Variants in IPO11 observed in about 807,000 individuals in gnomAD.
IPO11 encodes the protein importin 11, also known as importin-11.
IPO11 carries 66 observed loss-of-function variants against 143.2 expected under a neutral mutation model. The observed-to-expected ratio is 0.46, with a 90% confidence interval of 0.38 to 0.57. The LOEUF (loss-of-function observed/expected upper bound fraction) is 0.57, where lower values mean the gene tolerates loss of function less well. IPO11 is among the 20% of genes least tolerant of loss of function. The pLI is 0.00. For synonymous variants in IPO11, 385 were observed against 377.8 expected (o/e 1.02, Z -0.22); for missense variants, 1,026 against 1,141.0 (o/e 0.90, Z 1.45).
chr5:62,503,045 G>A lies in IPO11; in HGVS notation c.1591-1622G>A, dbSNP rs981255449. Among the ~76,000 whole-genome samples the A allele has an allele frequency of 2.0e-5, 3 of 152,036 alleles. No homozygotes were observed. The South Asian group carries it at 6.2e-4, about 32-fold the overall frequency. Reference sequence around the variant, plus strand: ...TCACCATGTTGGCCAGTCTGGTCTCGAACTCCTGGCCTCAAGTGATCCGCC... The same window carrying A: ...TCACCATGTTGGCCAGTCTGGTCTCAAACTCCTGGCCTCAAGTGATCCGCC... On this transcript the variant is annotated intron_variant, in intron 16 of 29. Coordinates refer to ENST00000325324, the MANE Select transcript of IPO11 (RefSeq NM_016338.5).
At chr5:62,445,065 A>G (rs1047136882) in intron 3 of IPO11, among the ~76,000 whole-genome samples, 14 of 152,074 alleles carry the variant, frequency 9.2e-5, no homozygotes, top group African/African-American at 3.4e-4. Flanking sequence ...AGGTAGTTAA[A>G]TCCCAAGCTG....
intron 6 of IPO11, 111 bp from the exon 7 acceptor site, chr5:62,470,139 C>G: frequency 9.9e-7 from 1 of 1,005,176 alleles, no homozygotes; most frequent in Non-Finnish European, 1.5e-6. Context: ...AACTTTCCAA[C>G]CCAGATTAAC....
At chr5:62,431,855 C>T (rs771288464) in intron 1 of IPO11, among the ~76,000 whole-genome samples, 8 of 152,126 alleles carry the variant, frequency 5.3e-5, no homozygotes, top group Non-Finnish European at 1.0e-4. Context: ...GCACAAGAAT[C>T]GCTTGAGCCC....
chr5:62,608,238 G>T (rs1178300072), intron 29 of IPO11, among the ~76,000 whole-genome samples: 4 of 152,054 alleles, frequency 2.6e-5, no homozygotes, highest in Admixed American at 6.6e-5. Context: ...TTTATCTGGA[G>T]CCCTACAATT....
intron 3 of IPO11, among the ~76,000 whole-genome samples, chr5:62,443,743 A>G (rs773726036): frequency 6.6e-6 from 1 of 152,170 alleles, no homozygotes; most frequent in Admixed American, 6.5e-5. Flanking sequence ...GGAGTAGTAT[A>G]CATTTGTAAT....
intron 29 of IPO11, among the ~76,000 whole-genome samples, chr5:62,614,067 A>T (rs923725917): frequency 6.6e-6 from 1 of 152,224 alleles, no homozygotes; most frequent in Non-Finnish European, 1.5e-5. Context: ...TCGCATGTGC[A>T]TTGTGTGTGA....
intron 27 of IPO11, chr5:62,578,920 G>A (rs1036786239): frequency 2.9e-5 from 7 of 240,146 alleles, no homozygotes; most frequent in East Asian, 2.4e-4. Flanking sequence ...TTAATAATAC[G>A]AATTTCCTTT....
chr5:62,550,735 G>A (rs1743359992), intron 25 of IPO11, among the ~76,000 whole-genome samples: 1 of 152,024 alleles, frequency 6.6e-6, no homozygotes, highest in Non-Finnish European at 1.5e-5. Flanking sequence ...TCCAATGCTT[G>A]ACTACTAAGA....
At chr5:62,542,612 T>C (rs896011450) in intron 24 of IPO11, among the ~76,000 whole-genome samples, 2 of 152,214 alleles carry the variant, frequency 1.3e-5, no homozygotes, top group Non-Finnish European at 2.9e-5. Flanking sequence ...CTTTGTTCTT[T>C]GAAGCAGAAA....
At chr5:62,484,453 C>G (rs1458210823) in intron 11 of IPO11, among the ~76,000 whole-genome samples, 1 of 151,890 alleles carries the variant, frequency 6.6e-6, no homozygotes, top group Non-Finnish European at 1.5e-5. Flanking sequence ...AAAATTAACT[C>G]TCTCTTACCC....
At chr5:62,425,715 G>T (rs934521228) in intron 1 of IPO11, among the ~76,000 whole-genome samples, 1 of 152,236 alleles carries the variant, frequency 6.6e-6, no homozygotes, top group African/African-American at 2.4e-5. Context: ...GTATGGAGAA[G>T]ACTTAGAAAT....
chr5:62,422,660 C>G (rs1475396187), intron 1 of IPO11: 4 of 152,150 alleles, frequency 2.6e-5, no homozygotes, highest in African/African-American at 9.7e-5. Flanking sequence ...ACCAAACAGG[C>G]AAGAGACTTA....
chr5:62,579,858 G>A, intron 27 of IPO11: 1 of 1,549,140 alleles, frequency 6.5e-7, no homozygotes, highest in Non-Finnish European at 8.7e-7. Flanking sequence ...TATATTTACA[G>A]TATAATCAGG....
intron 27 of IPO11, chr5:62,580,156 A>G (rs1205484952): frequency 1.8e-5 from 28 of 1,551,070 alleles, no homozygotes; most frequent in Middle Eastern, 1.7e-4. Context: ...TCATAATCCT[A>G]TTGAAGCAAT....
chr5:62,461,807 G>T lies in IPO11; in HGVS notation c.517-5324G>T, dbSNP rs1021506408. Among the ~76,000 whole-genome samples the T allele has an allele frequency of 3.9e-5, 6 of 152,048 alleles. No homozygotes were observed. In the East Asian group the frequency reaches 5.8e-4, roughly 15 times the overall value. On this transcript the variant is annotated intron_variant, in intron 5 of 29. Transcript: ENST00000325324. ...AGTACTTCTTATCTGCAATGCTTGG[G>T]AACAGAAATGTTTCAGATTTTTTTC... is the stretch of plus-strand genomic sequence containing the variant.
At chr5:62,444,651 C>T (rs1744648816) in intron 3 of IPO11, among the ~76,000 whole-genome samples, 1 of 151,808 alleles carries the variant, frequency 6.6e-6, no homozygotes, top group South Asian at 2.1e-4. Flanking sequence ...CGAGGATCAC[C>T]TGGGGTCAGG....
chr5:62,572,328 C>T (rs1561368109), intron 27 of IPO11, among the ~76,000 whole-genome samples: 1 of 152,282 alleles, frequency 6.6e-6, no homozygotes. Flanking sequence ...TCTGTCCTTT[C>T]TCTAGAAATC....
chr5:62,466,782 A>T (rs1745589715), intron 5 of IPO11, among the ~76,000 whole-genome samples: 1 of 152,208 alleles, frequency 6.6e-6, no homozygotes, highest in Admixed American at 6.6e-5. Flanking sequence ...ACAGTCCATA[A>T]ATCATTGTTT....
Position 62,451,951 on chromosome 5 carries a change from G to C in IPO11, c.516+18G>C, listed in dbSNP as rs541314880. 3 of 1,596,604 alleles carry C rather than the reference G, an allele frequency of 1.9e-6. No individual in the cohort carries two copies. In the South Asian group the frequency reaches 3.3e-5, roughly 18 times the overall value. ...TTTATGATGTAAGTGATTTCACATA[G>C]TTAAATTTGATTATGAAAATTGTGC... On this transcript the variant is annotated intron_variant, in intron 5 of 29. Coordinates refer to ENST00000325324, the MANE Select transcript of IPO11 (RefSeq NM_016338.5).
Sources: gnomAD v4.1 joint callset for allele counts (sites outside exome capture counted in the v4.1 genomes callset) on GRCh38, gnomAD v4.1.1 for gene constraint, MANE v1.5 for transcripts, NCBI Gene and HGNC (gene_info 2026-07-23, HGNC 2026-07-21) for gene names.